Variants in CSMD1 observed in about 807,000 individuals in gnomAD.
CSMD1 encodes the protein CUB and sushi domain-containing protein 1.
A neutral mutation model predicts 417.5 loss-of-function variants in CSMD1; 213 were observed. That is an observed-to-expected ratio of 0.51 (90% CI 0.46 to 0.57). CSMD1 has a LOEUF of 0.57. Among genes scored for constraint, CSMD1 ranks in the 20% least tolerant of loss-of-function variants. CSMD1 has a pLI of 0.00. For synonymous variants in CSMD1, 2,862 were observed against 1,736.8 expected (o/e 1.65, Z -16.11); for missense variants, 6,923 against 4,529.7 (o/e 1.53, Z -15.17).
At chr8:3,749,091 G>A (rs775385156) in intron 6 of CSMD1, among the ~76,000 whole-genome samples, 1 of 152,162 alleles carries the variant, frequency 6.6e-6, no homozygotes, top group Non-Finnish European at 1.5e-5. Flanking sequence ...GGCCCTCATG[G>A]TTCAAGATTA....
intron 2 of CSMD1, among the ~76,000 whole-genome samples, chr8:4,571,821 T>A (rs1236389242): frequency 2.0e-5 from 3 of 152,300 alleles, no homozygotes; most frequent in South Asian, 2.1e-4. Context: ...CTATATTGGG[T>A]GCATATATAT....
At chr8:4,880,390 A>G (rs1803313126) in intron 1 of CSMD1, among the ~76,000 whole-genome samples, 2 of 152,136 alleles carry the variant, frequency 1.3e-5, no homozygotes. Context: ...GTTTGCCTCC[A>G]AAAGAGAAGG....
chr8:4,197,941 A>G (rs1229222559), intron 3 of CSMD1, among the ~76,000 whole-genome samples: 1 of 152,242 alleles, frequency 6.6e-6, no homozygotes, highest in Admixed American at 6.5e-5. Flanking sequence ...AATTCTGTAC[A>G]CATTGTCTTC....
chr8:3,718,032 T>C (rs557647665), intron 6 of CSMD1, among the ~76,000 whole-genome samples: 9 of 152,326 alleles, frequency 5.9e-5, no homozygotes, highest in East Asian at 3.9e-4. Context: ...TCTGCCCACA[T>C]TGTTTTAGTA....
chr8:3,260,389 C>G (rs1800968923), intron 26 of CSMD1, among the ~76,000 whole-genome samples: 1 of 151,494 alleles, frequency 6.6e-6, no homozygotes, highest in South Asian at 2.1e-4. Flanking sequence ...AGTGGCCGAA[C>G]AGGTTTGGAA....
intron 1 of CSMD1, among the ~76,000 whole-genome samples, chr8:4,916,168 G>C (rs113565707): frequency 1.7e-4 from 26 of 152,306 alleles, no homozygotes; most frequent in African/African-American, 4.8e-4. Context: ...TTTTATAAAA[G>C]AAAGTAGAGT....
intron 33 of CSMD1, among the ~76,000 whole-genome samples, chr8:3,198,417 C>T (rs192163841): frequency 2.3e-4 from 35 of 152,294 alleles, no homozygotes; most frequent in South Asian, 4.1e-4. Flanking sequence ...TAGTAAGAGA[C>T]GGGTTGTTTC....
At chr8:3,880,753 T>C (rs80070899) in intron 5 of CSMD1, among the ~76,000 whole-genome samples, 2,548 of 152,342 alleles carry the variant, frequency 0.017, 67 homozygotes, top group African/African-American at 0.057. Context: ...TATACAGCTA[T>C]TATCCAAAAT....
intron 2 of CSMD1, among the ~76,000 whole-genome samples, chr8:4,500,648 G>C (rs1802214107): frequency 6.6e-6 from 1 of 152,150 alleles, no homozygotes; most frequent in Non-Finnish European, 1.5e-5. Context: ...GAAAGTGAGA[G>C]GTGTTAGTAA....
chr8:3,955,057 C>T (rs1417100831), intron 5 of CSMD1, among the ~76,000 whole-genome samples: 3 of 152,134 alleles, frequency 2.0e-5, no homozygotes, highest in South Asian at 2.1e-4. Context: ...AGAGGCAATG[C>T]GATAATTATG....
chr8:3,270,637 C>T (rs929911792), intron 26 of CSMD1, among the ~76,000 whole-genome samples: 1 of 152,262 alleles, frequency 6.6e-6, no homozygotes, highest in Middle Eastern at 3.4e-3. Flanking sequence ...GTGTTCTTTA[C>T]TCATCAAAGC....
chr8:3,695,102 G>GTGTGTGTGTGTGTC (rs1326429217), intron 7 of CSMD1, among the ~76,000 whole-genome samples: 18 of 151,774 alleles, frequency 1.2e-4, no homozygotes, highest in Non-Finnish European at 1.8e-4. Context: ...GTGTGTGTGT[G>GTGTGTGTGTGTGTC]TGTGTGTGTG....
chr8:4,460,949 G>C (rs1021347706), intron 2 of CSMD1, among the ~76,000 whole-genome samples: 2 of 151,174 alleles, frequency 1.3e-5, no homozygotes, highest in East Asian at 1.9e-4. Flanking sequence ...ATCAAAGCCA[G>C]ACATAGTTAT....
chr8:3,663,670 C>T (rs1328629853), intron 7 of CSMD1, among the ~76,000 whole-genome samples: 1 of 152,154 alleles, frequency 6.6e-6, no homozygotes, highest in East Asian at 1.9e-4. Flanking sequence ...TGCCTCTTTT[C>T]TACCTATGAA....
At chr8:4,752,712 T>A (rs1811411418) in intron 1 of CSMD1, among the ~76,000 whole-genome samples, 1 of 152,152 alleles carries the variant, frequency 6.6e-6, no homozygotes, top group Non-Finnish European at 1.5e-5. Flanking sequence ...GTGGTTTACC[T>A]TTGGGGCAAC....
chr8:4,695,989 G>A (rs1290443126), intron 1 of CSMD1, among the ~76,000 whole-genome samples: 2 of 152,158 alleles, frequency 1.3e-5, no homozygotes, highest in African/African-American at 4.8e-5. Flanking sequence ...GAATGCCTGT[G>A]TTTAATCCTG....
At chr8:3,846,955 G>T (rs898164392) in intron 5 of CSMD1, among the ~76,000 whole-genome samples, 9 of 152,262 alleles carry the variant, frequency 5.9e-5, no homozygotes, top group Admixed American at 3.3e-4. Context: ...GATTACAGCC[G>T]TGAGCCACTG....
intron 17 of CSMD1, among the ~76,000 whole-genome samples, chr8:3,391,168 C>T (rs1347918070): frequency 8.6e-6 from 1 of 116,506 alleles, no homozygotes; most frequent in Admixed American, 8.7e-5. Flanking sequence ...GTCACCGAAT[C>T]TCAGCAAACA....
chr8:4,099,743 T>C (rs536924120), intron 3 of CSMD1, among the ~76,000 whole-genome samples: 1 of 152,274 alleles, frequency 6.6e-6, no homozygotes, highest in African/African-American at 2.4e-5. Flanking sequence ...TCCTTAAAAC[T>C]AGAACCTCTT....
Sources: gnomAD v4.1 joint callset for allele counts (sites outside exome capture counted in the v4.1 genomes callset) on GRCh38, gnomAD v4.1.1 for gene constraint, MANE v1.5 for transcripts, NCBI Gene and HGNC (gene_info 2026-07-23, HGNC 2026-07-21) for gene names.